Variants in EXPH5 observed in about 807,000 individuals in gnomAD.
EXPH5 encodes exophilin 5, also known as exophilin-5.
A neutral mutation model predicts 41.1 loss-of-function variants in EXPH5; 42 were observed. The observed-to-expected ratio is 1.02, with a 90% CI of 0.80 to 1.32. EXPH5 has a LOEUF of 1.32. EXPH5 is among the 40% of genes most tolerant of loss of function. The pLI, the probability that EXPH5 is intolerant of heterozygous loss-of-function variation, is 0.00. For missense variants in EXPH5, 2,298 were observed against 2,314.5 expected, an observed-to-expected ratio of 0.99 and a Z score of 0.15; for synonymous variants, 798 against 833.5, an observed-to-expected ratio of 0.96 and a Z score of 0.73.
chr11:108,531,465 T>C (rs2093837289), intron 3 of EXPH5, among the ~76,000 whole-genome samples: 1 of 152,196 alleles, frequency 6.6e-6, no homozygotes, highest in Non-Finnish European at 1.5e-5. Context: ...AATCTTAATA[T>C]GACATAAGGC....
intron 3 of EXPH5, chr11:108,538,016 T>C (rs1253147757): frequency 1.4e-5 from 14 of 985,254 alleles, no homozygotes; most frequent in African/African-American, 1.7e-5. Flanking sequence ...GTCACATAAA[T>C]CTACATTGTG....
At chr11:108,534,774 C>T (rs1267197927) in intron 3 of EXPH5, among the ~76,000 whole-genome samples, 1 of 152,194 alleles carries the variant, frequency 6.6e-6, no homozygotes, top group South Asian at 2.1e-4. Context: ...GGCCACATGG[C>T]ATCCCTGTGT....
intron 3 of EXPH5, among the ~76,000 whole-genome samples, chr11:108,535,298 C>A (rs971842546): frequency 1.3e-5 from 2 of 152,114 alleles, no homozygotes; most frequent in Middle Eastern, 3.2e-3. Flanking sequence ...TCGGTCAGAC[C>A]AGCTGGGAAC....
intron 1 of EXPH5, among the ~76,000 whole-genome samples, chr11:108,571,942 GA>G (rs781231491): frequency 1.3e-4 from 19 of 151,838 alleles, no homozygotes; most frequent in Non-Finnish European, 2.1e-4. Flanking sequence ...CAGCTACTCG[GA>G]GAGGCTGAGG....
chr11:108,508,650 T>C lies in EXPH5; in HGVS notation c.*887A>G, dbSNP rs1420815335. On this transcript the variant is annotated 3_prime_UTR_variant, in exon 6 of 6. Coordinates refer to ENST00000265843, the MANE Select transcript of EXPH5 (RefSeq NM_015065.3). ...TAAGTCGGTCCCATGAAGGGATACC[T>C]ACTTCCTACCTCTGCTCCTCAGCTA... 2.0e-5 allele frequency: 3 copies of C among 152,284 alleles called. No homozygotes were observed. The highest frequency in any genetic ancestry group is 2.9e-5 in the Non-Finnish European group (2 of 68,064). 9.4% of individuals were successfully genotyped at this position (152,284 alleles called of 1,614,324 possible). A position where few individuals can be genotyped will look rare whatever the true frequency, so the allele number is the denominator to read the frequency against.
intron 3 of EXPH5, among the ~76,000 whole-genome samples, chr11:108,537,017 G>A (rs968916405): frequency 6.6e-6 from 1 of 152,184 alleles, no homozygotes; most frequent in African/African-American, 2.4e-5. Context: ...CTCCCAGGGT[G>A]CTCGTAGGTA....
chr11:108,542,507 A>G (rs890864365), intron 1 of EXPH5, among the ~76,000 whole-genome samples: 11 of 152,220 alleles, frequency 7.2e-5, no homozygotes, highest in African/African-American at 2.7e-4. Context: ...CGCAGAAACT[A>G]GAATATTCTC....
intron 1 of EXPH5, among the ~76,000 whole-genome samples, chr11:108,557,763 G>C (rs1310254108): frequency 6.6e-6 from 1 of 152,092 alleles, no homozygotes; most frequent in Non-Finnish European, 1.5e-5. Context: ...ACAAGCATGA[G>C]GACGTTGCCT....
At chr11:108,604,407 G>C in the EXPH5 span, among the ~76,000 whole-genome samples, 8 of 151,774 alleles carry the variant, frequency 5.3e-5, no homozygotes, top group African/African-American at 1.2e-4. Context: ...AAAGAAAGGC[G>C]GGGGGTGGGA....
rs1472675240 is a variant in EXPH5, at chr11:108,518,328, T to C, written c.538A>G (p.Ser180Gly). The C allele has an allele frequency of 3.7e-6, 6 of 1,614,042 alleles. No homozygotes were observed. The highest frequency in any genetic ancestry group is 1.1e-5 in the South Asian group (1 of 91,072). The change falls in exon 5 of 6, where the codon AGT (serine) becomes GGT (glycine). Residue 180 changes from serine (S) to glycine (G), a missense_variant. Physicochemically the swap from Ser to Gly is moderately conservative, Grantham distance 56. Coordinates refer to ENST00000265843, the MANE Select transcript of EXPH5 (RefSeq NM_015065.3). ...NSPLENHLVDSTFVPKPAVMR... is the reference protein window; with the variant it reads ...NSPLENHLVDGTFVPKPAVMR... ...ACTGCTGGCTTTGGGACAAATGTAC[T>C]GTCAACTAGATGATTTTCCAGAGGT...
In EXPH5 at chr11:108,509,541, A is replaced by G. The variant is rs754209620; in HGVS notation, c.5966T>C (p.Leu1989Pro). The change falls in exon 6 of 6, where the codon CTG becomes CCG. Residue 1989 changes from leucine (L) to proline (P), a missense_variant. By Grantham distance (98) the Leu-to-Pro change is moderately conservative. Coordinates refer to ENST00000265843, the MANE Select transcript of EXPH5 (RefSeq NM_015065.3). ...YLDENDKESE[L>P] ...AAGCATTTTATTGAAAAAGCCTCAC[A>G]GTTCTGACTCTTTGTCATTTTCATC... 6.5e-7 allele frequency: 1 copy of G among 1,541,664 alleles called. No individual in the cohort carries two copies. The highest frequency in any genetic ancestry group is 2.2e-5 in the Admixed American group (1 of 45,264).
Position 108,528,914 on chromosome 11 carries a change from G to A in EXPH5, c.444-730C>T, listed in dbSNP as rs578116091. Among the ~76,000 whole-genome samples the A allele has an allele frequency of 7.2e-5, 11 of 151,772 alleles. No homozygotes were observed. The South Asian group carries it at 1.9e-3, about 26-fold the overall frequency. The stretch of plus-strand genomic sequence containing the variant: ...GATGGGTTTTCATCATGTTGACCAG[G>A]CTGGTCTCGAACTCCTGACCTCAGG... On this transcript the variant is annotated intron_variant, in intron 3 of 5. Transcript: ENST00000265843.
rs1456627760 is a variant in EXPH5, at chr11:108,573,198, A to AAGAAAGAGAAAG, written c.119+20219_119+20220insCTTTCTCTTTCT. Among the ~76,000 whole-genome samples, 218 of 108,274 alleles carry AAGAAAGAGAAAG rather than the reference A, an allele frequency of 2.0e-3. 1 individual carries two copies. The highest frequency in any genetic ancestry group is 7.8e-3 in the East Asian group (28 of 3,608). The allele number at this position is 108,274 out of a possible 152,430, so 71.0% of individuals were successfully genotyped here. On this transcript the variant is annotated intron_variant, in intron 1 of 5. Transcript: ENST00000265843. ...AAAGAAAGAAAGAAAGAAAGAAAGAAAAAGAAAGAAAGAAAGAAAGAAAGG... is the reference window on the plus strand; with the variant it reads ...AAAGAAAGAAAGAAAGAAAGAAAGAAAGAAAGAGAAAGAAAGAAAGAAAGAAAGAAAGAAAGG...
the EXPH5 span, among the ~76,000 whole-genome samples, chr11:108,605,884 C>T: frequency 5.4e-4 from 82 of 152,368 alleles, no homozygotes; most frequent in African/African-American, 1.9e-3. Flanking sequence ...AGCCTCTGCG[C>T]TGGCCTCCAG....
Position 108,511,270 on chromosome 11 carries a change from A to T in EXPH5, c.4237T>A (p.Cys1413Ser). 2 of 1,606,762 alleles carry T rather than the reference A, an allele frequency of 1.2e-6. No homozygotes were observed. The highest frequency in any genetic ancestry group is 1.7e-6 in the Non-Finnish European group (2 of 1,178,160). The change falls in exon 6 of 6, where the codon TGT (cysteine) becomes AGT (serine). Residue 1413 changes from cysteine (C) to serine (S), a missense_variant. Cys to Ser is a moderately radical substitution (Grantham distance 112, BLOSUM62 -1). Coordinates refer to ENST00000265843, the MANE Select transcript of EXPH5 (RefSeq NM_015065.3). ...TTACTTGAATTAATGGATTGTTGAC[A>T]ATTTTCAGATTTTTCTTCGGATACA... is the stretch of plus-strand genomic sequence containing the variant. ...KNVSEEKSEN[C>S]QQSINSSNSG...
chr11:108,569,802 A>G (rs1452654593), intron 1 of EXPH5, among the ~76,000 whole-genome samples: 1 of 150,760 alleles, frequency 6.6e-6, no homozygotes, highest in Non-Finnish European at 1.5e-5. Context: ...TGGAAAAAAA[A>G]ATCTATGGGG....
chr11:108,594,072 C>G (rs11212727), upstream of EXPH5, among the ~76,000 whole-genome samples: 6,781 of 152,172 alleles, frequency 0.045, 375 homozygotes, highest in African/African-American at 0.13. Flanking sequence ...TCCTCCCTTT[C>G]AATAATTAAG....
intron 1 of EXPH5, among the ~76,000 whole-genome samples, chr11:108,565,533 C>A (rs1228794090): frequency 6.6e-6 from 1 of 152,142 alleles, no homozygotes; most frequent in Non-Finnish European, 1.5e-5. Flanking sequence ...GTGGCCGAAC[C>A]ACACAGACAT....
intron 1 of EXPH5, among the ~76,000 whole-genome samples, chr11:108,569,266 C>T (rs745513723): frequency 3.3e-5 from 5 of 151,794 alleles, no homozygotes; most frequent in Non-Finnish European, 5.9e-5. Flanking sequence ...GTTAAATTAC[C>T]TCTGCGGCCC....
Sources: gnomAD v4.1 joint callset for allele counts (sites outside exome capture counted in the v4.1 genomes callset) on GRCh38, gnomAD v4.1.1 for gene constraint, MANE v1.5 for transcripts, NCBI Gene and HGNC (gene_info 2026-07-23, HGNC 2026-07-21) for gene names.